The following SAMD3 variants were observed in gnomAD, a reference collection of about 807,000 sequenced individuals.
SAMD3 encodes sterile alpha motif domain-containing protein 3.
A neutral mutation model predicts 58.5 loss-of-function variants in SAMD3; 63 were observed. The ratio of observed to expected loss-of-function variants is 1.08; its 90% CI spans 0.88 to 1.33. The LOEUF is 1.33. Among genes scored for constraint, SAMD3 ranks in the 40% most tolerant of loss-of-function variants. The probability of loss-of-function intolerance (pLI) is 0.00; values close to 1 mark genes in which losing one functional copy is unlikely to be tolerated. For missense variants in SAMD3, 604 were observed against 608.4 expected (o/e 0.99, Z 0.08); for synonymous variants, 220 against 210.3 (o/e 1.05, Z -0.40).
At chr6:130,209,874 G>A (rs890666942) in intron 4 of SAMD3, among the ~76,000 whole-genome samples, 1 of 152,218 alleles carries the variant, frequency 6.6e-6, no homozygotes, top group Non-Finnish European at 1.5e-5. Context: ...ATGGCATTAA[G>A]ACAATACCTT....
chr6:130,328,489 A>G (rs1776826608), intron 1 of SAMD3, among the ~76,000 whole-genome samples: 1 of 152,208 alleles, frequency 6.6e-6, no homozygotes, highest in African/African-American at 2.4e-5. Context: ...CACCTAAAAG[A>G]GTAGGACTTC....
intron 5 of SAMD3, among the ~76,000 whole-genome samples, chr6:130,194,853 A>G (rs369277500): frequency 6.6e-6 from 1 of 152,164 alleles, no homozygotes; most frequent in East Asian, 1.9e-4. Context: ...CTACAGGACC[A>G]TCACAGATGC....
At chr6:130,263,543 C>T (rs1406889410) in intron 2 of SAMD3, among the ~76,000 whole-genome samples, 5 of 152,264 alleles carry the variant, frequency 3.3e-5, no homozygotes, top group Non-Finnish European at 4.4e-5. Flanking sequence ...AGTCGTGGGC[C>T]ATAGTCCCAG....
intron 8 of SAMD3, among the ~76,000 whole-genome samples, chr6:130,158,440 A>G (rs946029036): frequency 6.6e-6 from 1 of 152,176 alleles, no homozygotes; most frequent in African/African-American, 2.4e-5. Context: ...GAGGAAGAGA[A>G]TGACTATTTT....
intron 1 of SAMD3, among the ~76,000 whole-genome samples, chr6:130,317,078 G>A (rs1447408584): frequency 6.6e-6 from 1 of 152,150 alleles, no homozygotes; most frequent in Non-Finnish European, 1.5e-5. Context: ...GAGAAATCCT[G>A]AGTTACAATT....
At position 130,301,377 on chromosome 6, in the gene SAMD3, A is replaced by G. The variant is rs1245545871; in HGVS notation, c.-188+11601T>C. ...TACTTAGGAATACACTAAACCAAGA[A>G]GGCGAAAGATCTTTACAAGGAGAAC... On this transcript the variant is annotated intron_variant, in intron 2 of 13. Coordinates refer to the SAMD3 transcript ENST00000368134. Among the ~76,000 whole-genome samples the G allele has an allele frequency of 2.0e-5, 3 of 152,316 alleles. No homozygotes were observed. The East Asian group carries it at 5.8e-4, about 29-fold the overall frequency.
chr6:130,151,741 G>A (rs937193819), intron 9 of SAMD3, among the ~76,000 whole-genome samples: 1 of 151,962 alleles, frequency 6.6e-6, no homozygotes, highest in African/African-American at 2.4e-5. Flanking sequence ...ATGCCTGGCC[G>A]ATTTTTTTAA....
Position 130,212,247 on chromosome 6 carries a change from A to T in SAMD3, c.269+2090T>A, listed in dbSNP as rs186538413. ...TATTTGACAATAAGCAAATACAACC[A>T]ACAAGAATTTTAATCAAATATAAAG... On this transcript the variant is annotated intron_variant, in intron 4 of 11. Transcript: ENST00000439090. 2.5e-3 allele frequency among the ~76,000 whole-genome samples: 387 copies of T among 152,280 alleles called. 2 individuals carry two copies. The highest frequency in any genetic ancestry group is 9.0e-3 in the African/African-American group (372 of 41,558).
chr6:130,350,898 A>G (rs949696125), intron 1 of SAMD3, among the ~76,000 whole-genome samples: 2 of 152,202 alleles, frequency 1.3e-5, no homozygotes, highest in Non-Finnish European at 2.9e-5. Context: ...ATGGAACAGA[A>G]CAGAGCCCTC....
At chr6:130,302,014 A>G (rs1775764063) in intron 2 of SAMD3, among the ~76,000 whole-genome samples, 1 of 152,214 alleles carries the variant, frequency 6.6e-6, no homozygotes, top group South Asian at 2.1e-4. Flanking sequence ...TCTTGTGGAC[A>G]TTGGCCTAGA....
At chr6:130,327,670 T>A (rs187554798) in intron 1 of SAMD3, among the ~76,000 whole-genome samples, 171 of 152,298 alleles carry the variant, frequency 1.1e-3, no homozygotes, top group Middle Eastern at 3.4e-3. Context: ...ACAGCTGGTA[T>A]TTACAATCTG....
intron 2 of SAMD3, chr6:130,215,855 C>T (rs1353636471): frequency 5.9e-6 from 9 of 1,534,112 alleles, no homozygotes; most frequent in Non-Finnish European, 6.1e-6. Context: ...CATTGTTTTC[C>T]GTTAGCAAGA....
At chr6:130,169,834 C>T (rs139747462) in intron 8 of SAMD3, among the ~76,000 whole-genome samples, 269 of 152,148 alleles carry the variant, frequency 1.8e-3, no homozygotes, top group African/African-American at 6.3e-3. Flanking sequence ...GCGGACTGAC[C>T]CTTGAGTTCT....
intron 7 of SAMD3, among the ~76,000 whole-genome samples, chr6:130,176,380 A>G (rs981461715): frequency 2.0e-5 from 3 of 152,222 alleles, no homozygotes; most frequent in Non-Finnish European, 4.4e-5. Flanking sequence ...TGGGTTCTAG[A>G]AAAGACCTGA....
intron 2 of SAMD3, among the ~76,000 whole-genome samples, chr6:130,267,529 A>T (rs557967840): frequency 1.3e-5 from 2 of 152,272 alleles, no homozygotes; most frequent in South Asian, 2.1e-4. Flanking sequence ...AGACCCTCTC[A>T]TACTGTTTTA....
At chr6:130,258,669 C>T (rs1774008794) in intron 2 of SAMD3, among the ~76,000 whole-genome samples, 1 of 152,162 alleles carries the variant, frequency 6.6e-6, no homozygotes, top group South Asian at 2.1e-4. Flanking sequence ...TTCTCACCTC[C>T]TTATCACCCA....
intron 2 of SAMD3, among the ~76,000 whole-genome samples, chr6:130,297,401 T>C (rs752885503): frequency 4.6e-5 from 7 of 152,012 alleles, no homozygotes; most frequent in South Asian, 4.2e-4. Context: ...ATCCAAACAA[T>C]AGAAAATTCA....
At chr6:130,230,103 A>G (rs1796500548) in intron 2 of SAMD3, among the ~76,000 whole-genome samples, 1 of 152,250 alleles carries the variant, frequency 6.6e-6, no homozygotes, top group African/African-American at 2.4e-5. Context: ...TAAAATGGTT[A>G]AAGAAAATAA....
At chr6:130,285,048 T>G (rs1460471886) in intron 2 of SAMD3, among the ~76,000 whole-genome samples, 3 of 152,226 alleles carry the variant, frequency 2.0e-5, no homozygotes, top group Non-Finnish European at 2.9e-5. Flanking sequence ...CTGAGACTGA[T>G]TTATACATTC....
Sources: gnomAD v4.1 joint callset for allele counts (sites outside exome capture counted in the v4.1 genomes callset) on GRCh38, gnomAD v4.1.1 for gene constraint, MANE v1.5 for transcripts, NCBI Gene and HGNC (gene_info 2026-07-23, HGNC 2026-07-21) for gene names.